CAPN9: variants seen among roughly 807,000 people sequenced by gnomAD.
CAPN9 encodes calpain 9.
Under a neutral mutation model 92.8 loss-of-function variants are expected in CAPN9, and 81 were observed. The observed-to-expected ratio is 0.87, with a 90% CI of 0.73 to 1.05. The LOEUF is 1.05. Among genes scored for constraint, CAPN9 ranks in the 50% least tolerant of loss-of-function variants. The probability of loss-of-function intolerance (pLI) is 0.00; values close to 1 mark genes in which losing one functional copy is unlikely to be tolerated. For missense variants in CAPN9, 848 were observed against 866.2 expected (o/e 0.98, Z 0.26); for synonymous variants, 304 against 328.0 (o/e 0.93, Z 0.79).
chr1:230,759,422 G>A (rs1665473855), intron 2 of CAPN9, 90 bp from the exon 3 acceptor site: 1 of 883,896 alleles, frequency 1.1e-6, no homozygotes, highest in Non-Finnish European at 1.8e-6. Context: ...GGCCACATCT[G>A]AAACTCCCCA....
intron 1 of CAPN9, among the ~76,000 whole-genome samples, chr1:230,749,996 T>C (rs1168140595): frequency 6.6e-6 from 1 of 152,208 alleles, no homozygotes; most frequent in Non-Finnish European, 1.5e-5. Flanking sequence ...CAAACCAGCA[T>C]GGAGGGCATC....
chr1:230,771,680 A>G (rs1666394840), intron 6 of CAPN9, among the ~76,000 whole-genome samples: 1 of 152,204 alleles, frequency 6.6e-6, no homozygotes, highest in Non-Finnish European at 1.5e-5. Flanking sequence ...CTCTAGGGAG[A>G]TCCAAGTCTA....
intron 4 of CAPN9, among the ~76,000 whole-genome samples, chr1:230,767,221 A>G (rs749721954): frequency 2.0e-5 from 3 of 152,114 alleles, no homozygotes; most frequent in Non-Finnish European, 2.9e-5. Flanking sequence ...CATATAAGAA[A>G]ATGAAGGCAC....
chr1:230,759,562 G>T lies in CAPN9; in HGVS notation c.334G>T (p.Ala112Ser). Residue 112 changes from alanine (A) to serine (S), a missense_variant, in exon 3 of 20, where the codon GCA (alanine) becomes TCA (serine). Physicochemically the swap from Ala to Ser is moderately conservative, Grantham distance 99. Coordinates refer to ENST00000271971, the MANE Select transcript of CAPN9 (RefSeq NM_006615.3). ...AIASLTLNQKALARVIPQDQS... is the reference protein window; with the variant it reads ...AIASLTLNQKSLARVIPQDQS... ...CGCCTCCCTTACGCTTAATCAAAAA[G>T]CACTGGCCAGAGTCATCCCCCAGGA... is the stretch of plus-strand genomic sequence containing the variant. The T allele has an allele frequency of 6.2e-7, 1 of 1,611,764 alleles. No individual in the cohort carries two copies. Among genetic ancestry groups the T allele is most frequent in the Non-Finnish European group, 8.5e-7 (1 of 1,179,256 alleles).
At position 230,769,115 on chromosome 1, in the gene CAPN9, G is replaced by T; in HGVS notation, c.706-65G>T. Reference sequence around the variant, plus strand: ...GTGACCGGGCCAGGCATGTAGCTGGGTCTGATCCAGCAGGGGAGGCTTGAC... The same window carrying T: ...GTGACCGGGCCAGGCATGTAGCTGGTTCTGATCCAGCAGGGGAGGCTTGAC... On this transcript the variant is annotated intron_variant, in intron 5 of 19. Transcript: ENST00000271971. 4.5e-6 allele frequency: 6 copies of T among 1,319,820 alleles called. No homozygotes were observed. In the South Asian group the frequency reaches 7.3e-5, roughly 16 times the overall value. 81.8% of individuals were successfully genotyped at this position (1,319,820 alleles called of 1,614,324 possible).
intron 2 of CAPN9, among the ~76,000 whole-genome samples, chr1:230,757,761 A>G (rs1373207945): frequency 1.3e-5 from 2 of 149,138 alleles, no homozygotes; most frequent in Non-Finnish European, 3.0e-5. Flanking sequence ...AACAGCATCA[A>G]GGCATGCTGT....
intron 13 of CAPN9, among the ~76,000 whole-genome samples, chr1:230,789,473 CAAAAAAA>C (rs57738295): frequency 7.5e-5 from 5 of 66,280 alleles, no homozygotes; most frequent in Non-Finnish European, 6.4e-5. Context: ...GACCCTGTAT[CAAAAAAA>C]AAAAAAAAAA....
At chr1:230,755,186 C>A in intron 1 of CAPN9, 151 bp from the exon 2 acceptor site, 1 of 632,956 alleles carries the variant, frequency 1.6e-6, no homozygotes, top group Non-Finnish European at 2.8e-6. Flanking sequence ...GAGGTGGCAG[C>A]CTTTTACATC....
At chr1:230,767,103 C>G (rs1380400171) in intron 4 of CAPN9, among the ~76,000 whole-genome samples, 1 of 152,210 alleles carries the variant, frequency 6.6e-6, no homozygotes, top group Non-Finnish European at 1.5e-5. Flanking sequence ...GGGCCTCTCT[C>G]TATCCACATA....
rs771333487 is a variant in CAPN9 at position 230,785,982 on chromosome 1, G to A, written c.1483G>A (p.Asp495Asn). Residue 495 changes from aspartate to asparagine, a missense_variant and splice_region_variant, in exon 12 of 20, where the codon GAT becomes AAT. Asp to Asn is a conservative substitution (Grantham distance 23). Transcript: ENST00000271971. ...IFSEKKAITRDMDGNVDIDLP... is the reference protein window; with the variant it reads ...IFSEKKAITRNMDGNVDIDLP... Reference sequence around the variant, plus strand: ...CAGTGTGTTTTTCTGCCCCTACAGGGATATGGATGGAAATGTAGACATTGA... The same window carrying A: ...CAGTGTGTTTTTCTGCCCCTACAGGAATATGGATGGAAATGTAGACATTGA... 51 of 1,613,892 alleles carry A rather than the reference G, an allele frequency of 3.2e-5. No homozygotes were observed. The highest frequency in any genetic ancestry group is 1.6e-4 in the Middle Eastern group (1 of 6,084).
chr1:230,780,220 G>A lies in CAPN9; in HGVS notation c.1156G>A (p.Glu386Lys). Residue 386 changes from glutamate (E) to lysine (K), a missense_variant, in exon 10 of 20, where the codon GAG (glutamate) becomes AAG (lysine). Glu to Lys is a moderately conservative substitution (Grantham distance 56). Transcript: ENST00000271971. ...TNPQIKLSLT[E>K]KDEGQEECSF... ...TCCACAAATAAAATTGTCTCTGACT[G>A]AGAAAGATGAGGGGCAGGAGGAGTG... The A allele has an allele frequency of 1.2e-6, 2 of 1,614,002 alleles. No individual in the cohort carries two copies. Among genetic ancestry groups the A allele is most frequent in the African/African-American group, 2.7e-5 (2 of 75,004 alleles).
intron 4 of CAPN9, among the ~76,000 whole-genome samples, chr1:230,764,377 A>C (rs1014403315): frequency 6.6e-6 from 1 of 152,300 alleles, no homozygotes; most frequent in Middle Eastern, 3.4e-3. Flanking sequence ...TCGTTCTCAA[A>C]CCTTTGGACT....
At chr1:230,800,276 AAG>A (rs1336805658) in intron 19 of CAPN9, among the ~76,000 whole-genome samples, 1 of 135,780 alleles carries the variant, frequency 7.4e-6, no homozygotes, top group Non-Finnish European at 1.6e-5. Context: ...GAAAGAAAGA[AAG>A]AAAGAAAGAA....
chr1:230,754,200 C>T (rs1307713633), intron 1 of CAPN9, among the ~76,000 whole-genome samples: 6 of 152,124 alleles, frequency 3.9e-5, no homozygotes, highest in South Asian at 2.1e-4. Context: ...AGGGCAGGGG[C>T]TTTCCCTCTC....
At chr1:230,751,584 A>G (rs1023625943) in intron 1 of CAPN9, among the ~76,000 whole-genome samples, 1 of 11,550 alleles carries the variant, frequency 8.7e-5, no homozygotes, top group African/African-American at 3.4e-4. Flanking sequence ...GAAGAAAGAA[A>G]CAAAGAAAGA....
chr1:230,767,426 C>T (rs1301303056), intron 4 of CAPN9, 115 bp from the exon 5 acceptor site: 3 of 839,606 alleles, frequency 3.6e-6, no homozygotes, highest in South Asian at 2.1e-5. Context: ...ACCACCCAGC[C>T]AGGGCAAGCC....
intron 11 of CAPN9, among the ~76,000 whole-genome samples, chr1:230,781,329 C>T (rs1359539595): frequency 6.6e-6 from 1 of 152,070 alleles, no homozygotes; most frequent in Non-Finnish European, 1.5e-5. Flanking sequence ...TTTTTCAGAC[C>T]CTATTACCAA....
chr1:230,767,792 GGTA>G, intron 5 of CAPN9, 83 bp downstream of exon 5: 1 of 1,320,992 alleles, frequency 7.6e-7, no homozygotes, highest in Non-Finnish European at 1.0e-6. Flanking sequence ...GGCTGTACCA[GGTA>G]CCCCAGCCAC....
intron 13 of CAPN9, among the ~76,000 whole-genome samples, chr1:230,788,648 C>T (rs1667769779): frequency 6.6e-6 from 1 of 152,092 alleles, no homozygotes; most frequent in African/African-American, 2.4e-5. Context: ...ATTAGGGGAC[C>T]ACAGGATCGG....
Sources: gnomAD v4.1 joint callset for allele counts (sites outside exome capture counted in the v4.1 genomes callset) on GRCh38, gnomAD v4.1.1 for gene constraint, MANE v1.5 for transcripts, NCBI Gene and HGNC (gene_info 2026-07-23, HGNC 2026-07-21) for gene names.